The following TRPM1 variants were observed in gnomAD, a reference collection of about 807,000 sequenced individuals.
TRPM1 encodes TRPM1-203 APA Isoform, Intron 10.
Under a neutral mutation model 149.4 loss-of-function variants are expected in TRPM1, and 113 were observed. The ratio of observed to expected loss-of-function variants is 0.76; its 90% CI spans 0.65 to 0.88. The LOEUF (loss-of-function observed/expected upper bound fraction) is 0.88, where lower values mean the gene tolerates loss of function less well. Ranked by LOEUF, TRPM1 falls within the 40% of genes least tolerant of loss-of-function variation. The pLI, the probability that TRPM1 is intolerant of heterozygous loss-of-function variation, is 0.00. For missense variants in TRPM1, 1,976 were observed against 2,038.7 expected (o/e 0.97, Z 0.59); for synonymous variants, 741 against 759.5 (o/e 0.98, Z 0.40).
intron 23 of TRPM1, 67 bp downstream of exon 23, chr15:31,030,916 T>G (rs1385882286): frequency 6.4e-7 from 1 of 1,565,810 alleles, no homozygotes; most frequent in African/African-American, 1.4e-5. Context: ...TGTTCTTCCA[T>G]TAATTTGGAA....
chr15:31,041,843 A>T, intron 17 of TRPM1, 108 bp downstream of exon 17: 1 of 1,228,156 alleles, frequency 8.1e-7, no homozygotes, highest in Non-Finnish European at 1.2e-6. Flanking sequence ...AACAAGCTTT[A>T]ACCACCATTG....
intron 1 of TRPM1, among the ~76,000 whole-genome samples, chr15:31,088,826 T>G (rs2035104732): frequency 6.6e-6 from 1 of 151,084 alleles, no homozygotes; most frequent in South Asian, 2.1e-4. Context: ...AGAGGAGGCC[T>G]TTGTACCGGG....
chr15:31,155,920 G>A (rs1435622348), intron 1 of TRPM1, among the ~76,000 whole-genome samples: 1 of 152,138 alleles, frequency 6.6e-6, no homozygotes, highest in Non-Finnish European at 1.5e-5. Context: ...AAATCGGCCA[G>A]GTGCAGTGGC....
chr15:31,138,855 G>A lies in TRPM1; in HGVS notation c.54+22051C>T, dbSNP rs141641686. 7.6e-3 allele frequency among the ~76,000 whole-genome samples: 1,161 copies of A among 151,958 alleles called. 21 individuals are homozygous for A. The highest frequency in any genetic ancestry group is 0.026 in the African/African-American group (1,094 of 41,438). Reference sequence around the variant, plus strand: ...ATGAAGAAAATCTATTTTTAAGGGCGCTTCCCTTTCTATATGTAAATAATT... The same window carrying A: ...ATGAAGAAAATCTATTTTTAAGGGCACTTCCCTTTCTATATGTAAATAATT... On this transcript the variant is annotated intron_variant, in intron 1 of 26. Coordinates refer to the TRPM1 transcript ENST00000542188.
At chr15:31,078,643 G>C (rs2034776514) in intron 2 of TRPM1, among the ~76,000 whole-genome samples, 1 of 152,202 alleles carries the variant, frequency 6.6e-6, no homozygotes, top group Non-Finnish European at 1.5e-5. Context: ...GCATGGAGCG[G>C]GAGCCTCTGA....
chr15:31,161,020 C>T (rs2036438161), exon 1 of TRPM1: 3 of 1,498,098 alleles, frequency 2.0e-6, no homozygotes. Flanking sequence ...GCCAGTGGCA[C>T]AGGGGCTGCC....
intron 1 of TRPM1, among the ~76,000 whole-genome samples, chr15:31,135,132 C>A (rs148763194): frequency 5.1e-4 from 77 of 152,322 alleles, no homozygotes; most frequent in Non-Finnish European, 1.0e-3. Context: ...GGTAAGAACT[C>A]ATGAAGGGTG....
In TRPM1 at chr15:31,032,950, A is replaced by T. The variant is rs201747375; in HGVS notation, c.2701-10T>A. 4.0e-4 allele frequency: 642 copies of T among 1,613,982 alleles called. No homozygotes were observed. The highest frequency in any genetic ancestry group is 5.3e-4 in the Non-Finnish European group (620 of 1,180,032). ...GTTCTGACATGAGGATCTGAAAACA[A>T]ACCCCAAAGAACAATAAACTGAGAT... On this transcript the variant is annotated splice_polypyrimidine_tract_variant and intron_variant, in intron 21 of 27. Coordinates refer to ENST00000256552, the MANE Select transcript of TRPM1 (RefSeq NM_001252024.2).
chr15:31,074,854 A>G (rs2034649479), intron 3 of TRPM1, among the ~76,000 whole-genome samples: 1 of 151,974 alleles, frequency 6.6e-6, no homozygotes, highest in South Asian at 2.1e-4. Flanking sequence ...GCATCCCCTA[A>G]GTTTTGGTTT....
chr15:31,012,109 G>A (rs965415742), intron 27 of TRPM1, among the ~76,000 whole-genome samples: 1 of 152,156 alleles, frequency 6.6e-6, no homozygotes, highest in Non-Finnish European at 1.5e-5. Flanking sequence ...GCTTTATGTG[G>A]TTGTCTTGTA....
chr15:31,134,061 G>C (rs956832803), intron 1 of TRPM1, among the ~76,000 whole-genome samples: 2 of 152,194 alleles, frequency 1.3e-5, no homozygotes, highest in African/African-American at 4.8e-5. Context: ...CCCCTCTCTG[G>C]ACGGGTGGAT....
At chr15:31,069,536 G>T in intron 4 of TRPM1, 4 of 1,150,660 alleles carry the variant, frequency 3.5e-6, no homozygotes, top group Non-Finnish European at 2.1e-6. Context: ...CCCCACGCTG[G>T]CAGGGCTCAC....
intron 1 of TRPM1, among the ~76,000 whole-genome samples, chr15:31,088,425 C>T (rs1217228900): frequency 6.6e-6 from 1 of 152,180 alleles, no homozygotes; most frequent in East Asian, 1.9e-4. Context: ...TTGGCACCAC[C>T]TTTAAGAGCT....
At chr15:31,149,787 G>A (rs1024169967) in intron 1 of TRPM1, among the ~76,000 whole-genome samples, 5 of 152,332 alleles carry the variant, frequency 3.3e-5, no homozygotes, top group Admixed American at 2.6e-4. Context: ...CCAAAGTGCT[G>A]GGATTACAGG....
intron 1 of TRPM1, among the ~76,000 whole-genome samples, chr15:31,133,267 G>C (rs2036042960): frequency 6.6e-6 from 1 of 151,654 alleles, no homozygotes; most frequent in African/African-American, 2.4e-5. Context: ...GCAAAAACCT[G>C]TCTCTACTAA....
intron 1 of TRPM1, chr15:31,160,813 C>T: frequency 7.1e-7 from 1 of 1,413,340 alleles, no homozygotes; most frequent in Non-Finnish European, 9.7e-7. Flanking sequence ...ACAGGACCCG[C>T]TGGGCCAGCA....
chr15:31,116,574 C>T, intron 1 of TRPM1, among the ~76,000 whole-genome samples: 1 of 150,700 alleles, frequency 6.6e-6, no homozygotes, highest in Non-Finnish European at 1.5e-5. Context: ...TGCACTCCAG[C>T]CTGGCCAACG....
chr15:31,041,413 G>A (rs1325704934), intron 17 of TRPM1, among the ~76,000 whole-genome samples: 1 of 152,170 alleles, frequency 6.6e-6, no homozygotes, highest in Admixed American at 6.5e-5. Flanking sequence ...GCCTCCCAAA[G>A]TGCTGGGATT....
intron 3 of TRPM1, among the ~76,000 whole-genome samples, chr15:31,074,077 A>G (rs1372339378): frequency 6.6e-6 from 1 of 151,912 alleles, no homozygotes; most frequent in Admixed American, 6.5e-5. Context: ...CATTATTTTT[A>G]TATGTTGCTG....
Sources: gnomAD v4.1 joint callset for allele counts (sites outside exome capture counted in the v4.1 genomes callset) on GRCh38, gnomAD v4.1.1 for gene constraint, MANE v1.5 for transcripts, NCBI Gene and HGNC (gene_info 2026-07-23, HGNC 2026-07-21) for gene names.